The following ARNT2 variants were observed in gnomAD, a reference collection of about 807,000 sequenced individuals.
ARNT2 encodes the protein aryl hydrocarbon receptor nuclear translocator 2, also known as ARNT protein 2.
ARNT2 carries 36 observed loss-of-function variants against 91.7 expected under a neutral mutation model. The observed-to-expected ratio is 0.39, with a 90% confidence interval of 0.30 to 0.52. The LOEUF is 0.52. Among genes scored for constraint, ARNT2 ranks in the 20% least tolerant of loss-of-function variants. The pLI is 0.72. For synonymous variants in ARNT2, 365 were observed against 347.1 expected (o/e 1.05, Z -0.57); for missense variants, 775 against 939.3 (o/e 0.83, Z 2.29).
intron 11 of ARNT2, 140 bp from the exon 12 acceptor site, chr15:80,562,948 C>A: frequency 2.2e-6 from 2 of 913,746 alleles, no homozygotes; most frequent in South Asian, 3.0e-5. Context: ...CTCTCCCTCT[C>A]TTACTGTCTT....
chr15:80,568,101 G>A (rs1206977753), intron 12 of ARNT2, among the ~76,000 whole-genome samples: 1 of 152,170 alleles, frequency 6.6e-6, no homozygotes, highest in Non-Finnish European at 1.5e-5. Flanking sequence ...CTACAAAGAA[G>A]ACCTCTTTAT....
chr15:80,504,752 A>C (rs1897249438), intron 5 of ARNT2, among the ~76,000 whole-genome samples: 1 of 150,372 alleles, frequency 6.7e-6, no homozygotes, highest in Admixed American at 6.6e-5. Flanking sequence ...TGGGCTACAG[A>C]GTGAGACCCT....
At chr15:80,478,705 G>A (rs145577577) in intron 5 of ARNT2, among the ~76,000 whole-genome samples, 15 of 152,310 alleles carry the variant, frequency 9.8e-5, no homozygotes, top group Non-Finnish European at 1.9e-4. Context: ...TGATTCCGTG[G>A]GGGAGAGCTT....
chr15:80,494,986 C>T (rs940854560), intron 5 of ARNT2, among the ~76,000 whole-genome samples: 1 of 152,162 alleles, frequency 6.6e-6, no homozygotes, highest in Non-Finnish European at 1.5e-5. Context: ...GATTGACATG[C>T]AAACAGACTG....
At chr15:80,565,354 G>A (rs1474797951) in intron 12 of ARNT2, among the ~76,000 whole-genome samples, 2 of 152,116 alleles carry the variant, frequency 1.3e-5, no homozygotes, top group Non-Finnish European at 2.9e-5. Flanking sequence ...ATTTTCCTTT[G>A]AGTATATACC....
chr15:80,446,917 G>A (rs1230522692), intron 1 of ARNT2, among the ~76,000 whole-genome samples: 1 of 151,972 alleles, frequency 6.6e-6, no homozygotes, highest in Non-Finnish European at 1.5e-5. Flanking sequence ...TTTCTCCTGT[G>A]TCTTCCACAT....
intron 5 of ARNT2, among the ~76,000 whole-genome samples, chr15:80,484,682 C>G (rs1164673675): frequency 1.3e-5 from 2 of 152,222 alleles, no homozygotes; most frequent in African/African-American, 4.8e-5. Context: ...TTCATTATCA[C>G]TCTTGTGTCA....
intron 15 of ARNT2, 81 bp from the exon 16 acceptor site, chr15:80,580,330 C>T: frequency 6.5e-7 from 1 of 1,538,732 alleles, no homozygotes; most frequent in South Asian, 1.2e-5. Flanking sequence ...TGGCCCAGGG[C>T]AGATTGTGTG....
chr15:80,586,344 C>T (rs562856108), intron 17 of ARNT2, among the ~76,000 whole-genome samples: 91 of 152,248 alleles, frequency 6.0e-4, no homozygotes, highest in African/African-American at 1.8e-3. Flanking sequence ...ACATGCGTCT[C>T]AGTTTAGGGT....
intron 5 of ARNT2, among the ~76,000 whole-genome samples, chr15:80,482,003 G>A (rs1303132052): frequency 6.6e-6 from 1 of 152,182 alleles, no homozygotes; most frequent in African/African-American, 2.4e-5. Flanking sequence ...GCCTAGGAGG[G>A]TCCCAAGCAT....
At chr15:80,491,650 A>T (rs534010049) in intron 5 of ARNT2, among the ~76,000 whole-genome samples, 1 of 152,136 alleles carries the variant, frequency 6.6e-6, no homozygotes, top group Admixed American at 6.5e-5. Flanking sequence ...TTGCATTTTT[A>T]TATAGAAAGA....
chr15:80,593,795 C>A lies in ARNT2; in HGVS notation c.*97C>A. The A allele has an allele frequency of 8.8e-7, 1 of 1,139,910 alleles. No individual in the cohort carries two copies. Among genetic ancestry groups the A allele is most frequent in the Non-Finnish European group, 1.3e-6 (1 of 792,522 alleles). The allele number at this position is 1,139,910 out of a possible 1,614,324, so 70.6% of individuals were successfully genotyped here. On this transcript the variant is annotated 3_prime_UTR_variant, in exon 19 of 19. Transcript: ENST00000303329. The stretch of plus-strand genomic sequence containing the variant: ...CCCACCCTCGCCCTGCTTGCCCTGC[C>A]GCAGGCCCCCCACCAGAAGCCATCT...
intron 8 of ARNT2, among the ~76,000 whole-genome samples, chr15:80,538,652 A>C (rs1897859161): frequency 1.3e-5 from 2 of 152,138 alleles, no homozygotes; most frequent in South Asian, 4.1e-4. Context: ...AAAACTAAAA[A>C]TTTTACTTAT....
At chr15:80,454,737 A>G (rs1427406376) in intron 2 of ARNT2, among the ~76,000 whole-genome samples, 2 of 152,202 alleles carry the variant, frequency 1.3e-5, no homozygotes, top group Non-Finnish European at 2.9e-5. Context: ...TCACTAGAGC[A>G]TAAGTGACTT....
rs139575821 is a variant in ARNT2 at position 80,566,306 on chromosome 15, A to G, written c.1316+3067A>G. Reference sequence around the variant, plus strand: ...CCTTCCAACAAACAGAGACACCAGGACCCTCCTGGTGATTCTCTTCCTGTT... The same window carrying G: ...CCTTCCAACAAACAGAGACACCAGGGCCCTCCTGGTGATTCTCTTCCTGTT... On this transcript the variant is annotated intron_variant, in intron 12 of 18. Coordinates refer to ENST00000303329, the MANE Select transcript of ARNT2 (RefSeq NM_014862.4). Among the ~76,000 whole-genome samples the G allele has an allele frequency of 2.0e-5, 3 of 151,920 alleles. No homozygotes were observed. The East Asian group carries it at 5.8e-4, about 29-fold the overall frequency.
chr15:80,431,930 A>G (rs1245282998), intron 1 of ARNT2, among the ~76,000 whole-genome samples: 3 of 152,138 alleles, frequency 2.0e-5, no homozygotes, highest in African/African-American at 7.2e-5. Context: ...CTCTGAAGCA[A>G]CCGGCCATTC....
rs564385836 is a variant in ARNT2 at position 80,458,552 on chromosome 15, G to A, written c.194+576G>A. ...GACAGCATCTTTATCTGGGCTCTGC[G>A]GGGCCGTCCTGAGTGCAGACCACCT... is the stretch of plus-strand genomic sequence containing the variant. On this transcript the variant is annotated intron_variant, in intron 3 of 18. Transcript: ENST00000303329. Among the ~76,000 whole-genome samples the A allele has an allele frequency of 1.6e-4, 25 of 152,238 alleles. 3 individuals are homozygous for A. In the South Asian group the frequency reaches 5.0e-3, roughly 30 times the overall value.
At chr15:80,507,386 T>G (rs1897289992) in intron 5 of ARNT2, among the ~76,000 whole-genome samples, 1 of 152,036 alleles carries the variant, frequency 6.6e-6, no homozygotes, top group African/African-American at 2.4e-5. Flanking sequence ...GAGGAGGGAC[T>G]CGGGGATAAT....
rs573824701 is a variant in ARNT2 at position 80,460,662 on chromosome 15, C to T, written c.194+2686C>T. 7.9e-5 allele frequency among the ~76,000 whole-genome samples: 12 copies of T among 152,232 alleles called. No individual in the cohort carries two copies. The South Asian group carries it at 8.3e-4, about 11-fold the overall frequency. ...CCCCCCACACAAAGTCACGGGGACC[C>T]GGGGGACAGAAGCCAGACTGCAGTG... On this transcript the variant is annotated intron_variant, in intron 3 of 18. Transcript: ENST00000303329.
Sources: gnomAD v4.1 joint callset for allele counts (sites outside exome capture counted in the v4.1 genomes callset) on GRCh38, gnomAD v4.1.1 for gene constraint, MANE v1.5 for transcripts, NCBI Gene and HGNC (gene_info 2026-07-23, HGNC 2026-07-21) for gene names.